The following PDE1A variants were observed in gnomAD, a reference collection of about 807,000 sequenced individuals.
PDE1A encodes the protein dual specificity calcium/calmodulin-dependent 3',5'-cyclic nucleotide phosphodiesterase 1A.
In PDE1A, 35 loss-of-function variants were observed where a neutral mutation model predicts 61.7. The observed-to-expected ratio is 0.57, with a 90% CI of 0.43 to 0.75. The LOEUF (loss-of-function observed/expected upper bound fraction) is 0.75. PDE1A is among the 30% of genes least tolerant of loss of function. The pLI is 0.00. For synonymous variants in PDE1A, 232 were observed against 213.2 expected (o/e 1.09, Z -0.77); for missense variants, 597 against 630.6 (o/e 0.95, Z 0.57).
chr2:182,714,245 T>C, the PDE1A span, among the ~76,000 whole-genome samples: 1 of 152,260 alleles, frequency 6.6e-6, no homozygotes, highest in East Asian at 1.9e-4. Flanking sequence ...TTTTTCCGTG[T>C]GTGCTTTCAT....
At chr2:182,253,239 T>A (rs1373652737) in intron 2 of PDE1A, among the ~76,000 whole-genome samples, 1 of 152,202 alleles carries the variant, frequency 6.6e-6, no homozygotes, top group Non-Finnish European at 1.5e-5. Flanking sequence ...AAGAATGCTG[T>A]CAATGACAGG....
At chr2:182,182,211 A>T (rs573152634) in intron 13 of PDE1A, among the ~76,000 whole-genome samples, 8 of 152,324 alleles carry the variant, frequency 5.3e-5, no homozygotes, top group African/African-American at 1.9e-4. Context: ...AATTTTACCT[A>T]TATACAAATA....
intron 2 of PDE1A, among the ~76,000 whole-genome samples, chr2:182,245,474 TA>T (rs1271620831): frequency 1.3e-5 from 2 of 152,124 alleles, no homozygotes; most frequent in Admixed American, 6.5e-5. Context: ...TCCACTGCCC[TA>T]AAAAAAATCC....
chr2:182,441,062 A>G (rs1343240506), intron 2 of PDE1A, among the ~76,000 whole-genome samples: 3 of 152,096 alleles, frequency 2.0e-5, no homozygotes, highest in Non-Finnish European at 4.4e-5. Context: ...GGGAGGCCTC[A>G]TAATCAGGAC....
At chr2:182,651,567 A>C in the PDE1A span, among the ~76,000 whole-genome samples, 1 of 152,152 alleles carries the variant, frequency 6.6e-6, no homozygotes, top group Non-Finnish European at 1.5e-5. Flanking sequence ...TACACATACA[A>C]ATTTATTCAA....
At position 182,189,070 on chromosome 2, in the gene PDE1A, G is replaced by T; in HGVS notation, c.1126-10C>A. The T allele has an allele frequency of 6.3e-7, 1 of 1,597,064 alleles. No homozygotes were observed. The highest frequency in any genetic ancestry group is 1.1e-5 in the South Asian group (1 of 90,352). ...CAGCTTCTTTATCTCCCTGGAGAAA[G>T]AAAAGCACATTAATATAGACTTGGG... On this transcript the variant is annotated splice_polypyrimidine_tract_variant and intron_variant, in intron 10 of 13. Coordinates refer to ENST00000351439, the Ensembl canonical transcript of PDE1A.
chr2:182,501,656 TAAG>T (rs1375362553), intron 2 of PDE1A, among the ~76,000 whole-genome samples: 2 of 152,202 alleles, frequency 1.3e-5, no homozygotes, highest in Non-Finnish European at 2.9e-5. Flanking sequence ...TTTGTGCCTT[TAAG>T]AAGAAAAGGT....
At chr2:182,619,654 T>A in the PDE1A span, among the ~76,000 whole-genome samples, 1 of 152,316 alleles carries the variant, frequency 6.6e-6, no homozygotes, top group East Asian at 1.9e-4. Context: ...GGACAAGATT[T>A]TTTTCTTTTA....
rs181642036 is a variant in PDE1A, at chr2:182,208,217, C to T, written c.777-2152G>A. 2.3e-3 allele frequency among the ~76,000 whole-genome samples: 352 copies of T among 152,224 alleles called. 1 individual carries two copies. The highest frequency in any genetic ancestry group is 6.8e-3 in the Middle Eastern group (2 of 294). On this transcript the variant is annotated intron_variant, in intron 7 of 13. Coordinates refer to ENST00000351439, the Ensembl canonical transcript of PDE1A. ...AATGTCATAAAGATAGTACCTGAGG[C>T]TGGGTAATTTATAAAGGAAAGAGGT... is the stretch of plus-strand genomic sequence containing the variant.
intron 7 of PDE1A, among the ~76,000 whole-genome samples, chr2:182,211,150 T>G (rs1046030152): frequency 6.6e-6 from 1 of 152,200 alleles, no homozygotes; most frequent in African/African-American, 2.4e-5. Flanking sequence ...GGGAGTTATG[T>G]TTGCAACACA....
chr2:182,547,254 C>T, the PDE1A span, among the ~76,000 whole-genome samples: 2 of 152,238 alleles, frequency 1.3e-5, no homozygotes, highest in South Asian at 2.1e-4. Flanking sequence ...CTGTTCTAAA[C>T]GATCAGCCTA....
chr2:182,234,334 A>C (rs781260490), intron 4 of PDE1A, 98 bp downstream of exon 4: 44 of 755,812 alleles, frequency 5.8e-5, no homozygotes, highest in Admixed American at 3.6e-4. Flanking sequence ...TCTAAGATGT[A>C]GGCTGCAGTA....
intron 2 of PDE1A, among the ~76,000 whole-genome samples, chr2:182,508,509 T>C (rs1203817587): frequency 6.6e-6 from 1 of 151,846 alleles, no homozygotes; most frequent in Non-Finnish European, 1.5e-5. Context: ...GTAATTCATT[T>C]ATGTTTTCTA....
chr2:182,590,071 T>A, the PDE1A span, among the ~76,000 whole-genome samples: 2 of 152,198 alleles, frequency 1.3e-5, no homozygotes, highest in African/African-American at 4.8e-5. Flanking sequence ...TGTTCTTCCA[T>A]CATACATAAC....
intron 2 of PDE1A, among the ~76,000 whole-genome samples, chr2:182,490,710 C>T (rs187376291): frequency 3.9e-5 from 6 of 152,198 alleles, no homozygotes; most frequent in Admixed American, 3.3e-4. Context: ...TATTATGGTA[C>T]ACTTATAGGC....
chr2:182,150,256 C>A (rs1478137078), intron 13 of PDE1A, among the ~76,000 whole-genome samples: 2 of 152,186 alleles, frequency 1.3e-5, no homozygotes, highest in Non-Finnish European at 2.9e-5. Flanking sequence ...TTCTGACCCT[C>A]TCTATATAAC....
rs1483160494 is a variant in PDE1A at position 182,188,959 on chromosome 2, C to T, written c.1207+20G>A. 1.3e-6 allele frequency: 2 copies of T among 1,558,176 alleles called. No individual in the cohort carries two copies. Among genetic ancestry groups the T allele is most frequent in the Non-Finnish European group, 1.8e-6 (2 of 1,130,156 alleles). On this transcript the variant is annotated intron_variant, in intron 11 of 13. Transcript: ENST00000351439. The stretch of plus-strand genomic sequence containing the variant: ...ACAAGCACACACTCACTTTCCACCA[C>T]CACAAATCATCAGAATTACCTATTT...
chr2:182,480,499 G>A (rs911616140), intron 2 of PDE1A, among the ~76,000 whole-genome samples: 1 of 151,894 alleles, frequency 6.6e-6, no homozygotes, highest in African/African-American at 2.4e-5. Context: ...TCAACCAACT[G>A]TGGATGGAAA....
At chr2:182,523,307 G>A (rs1452778972), upstream of PDE1A, 2 of 152,212 alleles carry the variant, frequency 1.3e-5, no homozygotes, top group Non-Finnish European at 2.9e-5. Context: ...GAGAGAAGGA[G>A]AAAGGGAGAG....
Sources: gnomAD v4.1 joint callset for allele counts (sites outside exome capture counted in the v4.1 genomes callset) on GRCh38, gnomAD v4.1.1 for gene constraint, MANE v1.5 for transcripts, NCBI Gene and HGNC (gene_info 2026-07-23, HGNC 2026-07-21) for gene names.